MELK: variants seen among roughly 807,000 people sequenced by gnomAD.
MELK encodes the protein maternal embryonic leucine zipper kinase, also known as pEg3 kinase.
In MELK, 81 loss-of-function variants were observed where a neutral mutation model predicts 85.0. The observed-to-expected ratio is 0.95, with a 90% CI of 0.80 to 1.15. The LOEUF is 1.15. Among genes scored for constraint, MELK ranks in the 50% most tolerant of loss-of-function variants. The pLI is 0.00. For synonymous variants in MELK, 252 were observed against 265.0 expected (o/e 0.95, Z 0.48); for missense variants, 754 against 777.5 (o/e 0.97, Z 0.36).
intron 9 of MELK, among the ~76,000 whole-genome samples, chr9:36,632,831 A>G (rs996748784): frequency 3.9e-5 from 6 of 152,222 alleles, no homozygotes; most frequent in Admixed American, 3.3e-4. Flanking sequence ...ACATCATACA[A>G]TAGATTGAAC....
chr9:36,668,955 T>G (rs550685208), intron 14 of MELK, among the ~76,000 whole-genome samples: 2 of 152,332 alleles, frequency 1.3e-5, no homozygotes, highest in East Asian at 3.9e-4. Context: ...GGCCCTTGTA[T>G]AAATACAGAT....
chr9:36,595,732 A>G lies in MELK; in HGVS notation c.405+961A>G, dbSNP rs189731923. 1.6e-3 allele frequency among the ~76,000 whole-genome samples: 247 copies of G among 151,768 alleles called. 1 individual carries two copies. Among genetic ancestry groups the G allele is most frequent in the African/African-American group, 5.5e-3 (228 of 41,358 alleles). ...GTGATTTTCCCACCTCAGCCTCCCA[A>G]GTAGCTGGGACTACAGGCGTATGCC... On this transcript the variant is annotated intron_variant, in intron 5 of 17. Transcript: ENST00000298048.
intron 3 of MELK, among the ~76,000 whole-genome samples, chr9:36,589,146 T>C (rs1823261535): frequency 6.6e-6 from 1 of 152,114 alleles, no homozygotes; most frequent in Non-Finnish European, 1.5e-5. Context: ...TAGCTTTTGC[T>C]ACTTAGTATT....
chr9:36,625,144 C>T (rs955075473), intron 8 of MELK, among the ~76,000 whole-genome samples: 1 of 152,086 alleles, frequency 6.6e-6, no homozygotes, highest in African/African-American at 2.4e-5. Context: ...GAGGGAAGAC[C>T]ACCCAGAGTA....
rs117820552 is a variant in MELK, at chr9:36,657,160, C to T, written c.1054-81C>T. On this transcript the variant is annotated intron_variant, in intron 12 of 17. Coordinates refer to ENST00000298048, the MANE Select transcript of MELK (RefSeq NM_014791.4). ...TACATTTCTCAGAATGTGTCTCTGTCGTTAAGTGACGCGTGACTGTATTTT... is the reference window on the plus strand; with the variant it reads ...TACATTTCTCAGAATGTGTCTCTGTTGTTAAGTGACGCGTGACTGTATTTT... 5,435 of 1,430,246 alleles carry T rather than the reference C, an allele frequency of 3.8e-3. 20 individuals carry two copies. The highest frequency in any genetic ancestry group is 4.8e-3 in the Non-Finnish European group (5,049 of 1,056,142). 88.6% of individuals were successfully genotyped at this position (1,430,246 alleles called of 1,614,324 possible).
In MELK at chr9:36,671,171, G is replaced by A; in HGVS notation, c.1674+5G>A. 6.3e-7 allele frequency: 1 copy of A among 1,574,970 alleles called. No homozygotes were observed. The highest frequency in any genetic ancestry group is 8.6e-7 in the Non-Finnish European group (1 of 1,161,794). On this transcript the variant is annotated splice_donor_5th_base_variant and intron_variant, in intron 16 of 17. Coordinates refer to ENST00000298048, the MANE Select transcript of MELK (RefSeq NM_014791.4). ...GACGGGCCCAGAAGACTAAAGGTAA[G>A]CAGGCTGGAATTCTTTCATATGGAG...
intron 7 of MELK, among the ~76,000 whole-genome samples, chr9:36,600,242 C>T (rs1021193798): frequency 3.9e-5 from 6 of 151,998 alleles, no homozygotes; most frequent in African/African-American, 1.4e-4. Context: ...AGGCAACTGC[C>T]ATCACGTTTG....
chr9:36,594,493 T>C, intron 4 of MELK, 135 bp from the exon 5 acceptor site: 1 of 922,062 alleles, frequency 1.1e-6, no homozygotes, highest in Middle Eastern at 3.5e-4. Flanking sequence ...TACTTTTGAA[T>C]ATACCTTACT....
intron 8 of MELK, among the ~76,000 whole-genome samples, chr9:36,627,053 AACAC>A (rs10608377): frequency 0.013 from 1,878 of 140,866 alleles, 21 homozygotes; most frequent in East Asian, 0.03. Flanking sequence ...CACAAGCGCA[AACAC>A]ACACACACAC....
chr9:36,609,883 G>A (rs1825922037), intron 8 of MELK, among the ~76,000 whole-genome samples: 1 of 152,126 alleles, frequency 6.6e-6, no homozygotes. Context: ...ATCTCTTGTT[G>A]GAGACAGGTA....
chr9:36,590,060 T>A (rs568087197), intron 4 of MELK, among the ~76,000 whole-genome samples: 6 of 151,944 alleles, frequency 3.9e-5, no homozygotes, highest in African/African-American at 1.4e-4. Flanking sequence ...TAGCTGGGAC[T>A]ACAGGCGCCC....
Position 36,589,626 on chromosome 9 carries a change from G to C in MELK, c.235G>C (p.Ala79Pro). The change falls in exon 4 of 18, where the codon GCC becomes CCC. Residue 79 changes from alanine (A) to proline (P), a missense_variant. By Grantham distance (27) the Ala-to-Pro change is conservative. Transcript: ENST00000298048. ...ICQLYHVLETANKIFMVLEYC... is the reference protein window; with the variant it reads ...ICQLYHVLETPNKIFMVLEYC... ...TCAACTCTACCATGTGCTAGAGACA[G>C]CCAACAAAATATTCATGGTTCTTGA... The C allele has an allele frequency of 1.2e-6, 2 of 1,612,736 alleles. No homozygotes were observed. The highest frequency in any genetic ancestry group is 2.2e-5 in the South Asian group (2 of 91,046).
chr9:36,645,535 C>G (rs1014936274), intron 11 of MELK, among the ~76,000 whole-genome samples: 3 of 152,074 alleles, frequency 2.0e-5, no homozygotes, highest in Admixed American at 6.5e-5. Flanking sequence ...AGTTTTTCTT[C>G]CTTTGTACTC....
intron 7 of MELK, among the ~76,000 whole-genome samples, chr9:36,601,440 T>C (rs1824912726): frequency 6.6e-6 from 1 of 152,210 alleles, no homozygotes; most frequent in Non-Finnish European, 1.5e-5. Context: ...TCAGGTTATG[T>C]ATTTTTGGCA....
rs74181196 is a variant in MELK at position 36,621,275 on chromosome 9, G to GAAAAAAAAAAAAAAA, written c.667-8996_667-8982dup. On this transcript the variant is annotated intron_variant, in intron 8 of 17. Transcript: ENST00000298048. ...TGACAGAGTGAGACTCTGTCTCAGG[G>GAAAAAAAAAAAAAAA]AAAAAAAAAAAAAAAAAAAAAAAAA... is the stretch of plus-strand genomic sequence containing the variant. 3.1e-4 allele frequency among the ~76,000 whole-genome samples: 10 copies of GAAAAAAAAAAAAAAA among 32,446 alleles called. 1 individual carries two copies. The highest frequency in any genetic ancestry group is 9.2e-4 in the South Asian group (1 of 1,084). The allele number at this position is 32,446 out of a possible 152,430, so 21.3% of individuals were successfully genotyped here.
intron 11 of MELK, among the ~76,000 whole-genome samples, chr9:36,643,973 A>G (rs1057454930): frequency 6.6e-6 from 1 of 151,720 alleles, no homozygotes; most frequent in East Asian, 1.9e-4. Flanking sequence ...AAACTAGTGC[A>G]CAAAGAATGG....
chr9:36,602,559 CTTTTT>C (rs112982020), intron 7 of MELK, among the ~76,000 whole-genome samples: 1 of 119,588 alleles, frequency 8.4e-6, no homozygotes, highest in Non-Finnish European at 1.7e-5. Context: ...GCTCTACAGA[CTTTTT>C]TTTTTTTTTT....
rs1251733345 is a variant in MELK at position 36,597,268 on chromosome 9, TTGGTCTCTGTGCAAAACCCAAGG to T, written c.454_474+2del. 6.2e-7 allele frequency: 1 copy of T among 1,613,820 alleles called. No homozygotes were observed. Among genetic ancestry groups the T allele is most frequent in the Admixed American group, 1.7e-5 (1 of 59,996 alleles). Reference sequence around the variant, plus strand: ...TATCATAAATTAAAGCTGATTGACTTTGGTCTCTGTGCAAAACCCAAGGTAAGTGCAGAAATAAGATGCATCTA... The same window carrying T: ...TATCATAAATTAAAGCTGATTGACTTTAAGTGCAGAAATAAGATGCATCTA... On this transcript the variant is annotated splice_donor_variant and coding_sequence_variant, in exon 6 of 18. Coordinates refer to ENST00000298048, the MANE Select transcript of MELK (RefSeq NM_014791.4). LOFTEE classifies it high-confidence loss of function.
chr9:36,588,180 C>T (rs992214606), intron 3 of MELK, among the ~76,000 whole-genome samples: 5 of 149,442 alleles, frequency 3.3e-5, no homozygotes, highest in Non-Finnish European at 7.4e-5. Flanking sequence ...CCTCAGCCTC[C>T]AGAGTAGCTG....
Sources: gnomAD v4.1 joint callset for allele counts (sites outside exome capture counted in the v4.1 genomes callset) on GRCh38, gnomAD v4.1.1 for gene constraint, MANE v1.5 for transcripts, NCBI Gene and HGNC (gene_info 2026-07-23, HGNC 2026-07-21) for gene names.